The following MDGA2 variants were observed in gnomAD, a reference collection of about 807,000 sequenced individuals.
MDGA2 encodes the protein MAM domain containing glycosylphosphatidylinositol anchor 2, also known as MAM domain-containing glycosylphosphatidylinositol anchor protein 2.
Under a neutral mutation model 117.8 loss-of-function variants are expected in MDGA2, and 40 were observed. That is an observed-to-expected ratio of 0.34 (90% CI 0.26 to 0.44). The LOEUF (loss-of-function observed/expected upper bound fraction) is 0.44. Among genes scored for constraint, MDGA2 ranks in the 20% least tolerant of loss-of-function variants. The pLI is 1.00. For missense variants in MDGA2, 1,123 were observed against 1,250.6 expected (o/e 0.90, Z 1.54); for synonymous variants, 452 against 439.0 (o/e 1.03, Z -0.37).
At chr14:47,055,657 G>C (rs555833994) in intron 7 of MDGA2, among the ~76,000 whole-genome samples, 1 of 152,092 alleles carries the variant, frequency 6.6e-6, no homozygotes, top group African/African-American at 2.4e-5. Flanking sequence ...TTTTATTTCT[G>C]AATTAATAGG....
intron 2 of MDGA2, among the ~76,000 whole-genome samples, chr14:47,226,011 G>A (rs183792674): frequency 2.3e-4 from 35 of 151,934 alleles, no homozygotes; most frequent in African/African-American, 5.8e-4. Flanking sequence ...GAGCCTGGCC[G>A]GGAGCAGTGG....
intron 3 of MDGA2, among the ~76,000 whole-genome samples, chr14:47,214,070 G>A (rs1387778878): frequency 2.6e-5 from 4 of 152,040 alleles, no homozygotes; most frequent in African/African-American, 7.2e-5. Flanking sequence ...TCACTATCAC[G>A]AGAACTGCAT....
At chr14:47,117,329 G>T (rs1881386835) in intron 5 of MDGA2, among the ~76,000 whole-genome samples, 1 of 152,094 alleles carries the variant, frequency 6.6e-6, no homozygotes, top group African/African-American at 2.4e-5. Flanking sequence ...AATGGAAAAC[G>T]ATATAGAGGT....
intron 1 of MDGA2, among the ~76,000 whole-genome samples, chr14:47,602,477 A>G (rs977408572): frequency 6.6e-6 from 1 of 152,012 alleles, no homozygotes; most frequent in Admixed American, 6.6e-5. Context: ...AAAAAAAAAA[A>G]TCACAATTTT....
chr14:47,143,118 G>A (rs943381386), intron 4 of MDGA2, among the ~76,000 whole-genome samples: 6 of 151,964 alleles, frequency 3.9e-5, no homozygotes, highest in Admixed American at 1.3e-4. Context: ...TGAGTAGCTG[G>A]GATTACAGGC....
At chr14:47,196,485 C>T (rs938666180) in intron 3 of MDGA2, among the ~76,000 whole-genome samples, 2 of 151,980 alleles carry the variant, frequency 1.3e-5, no homozygotes, top group Admixed American at 1.3e-4. Flanking sequence ...GATTTAACAC[C>T]GCCCACTAAC....
chr14:46,924,271 G>C (rs1409893249), intron 9 of MDGA2, among the ~76,000 whole-genome samples: 1 of 151,844 alleles, frequency 6.6e-6, no homozygotes, highest in Non-Finnish European at 1.5e-5. Context: ...TTTGAAAAAT[G>C]ATTACATTGA....
rs556068346 is a variant in MDGA2, at chr14:47,348,670, C to T, written c.281-47120G>A. Among the ~76,000 whole-genome samples, 7 of 152,244 alleles carry T rather than the reference C, an allele frequency of 4.6e-5. No homozygotes were observed. In the South Asian group the frequency reaches 1.5e-3, roughly 32 times the overall value. On this transcript the variant is annotated intron_variant, in intron 1 of 16. Coordinates refer to ENST00000399232, the MANE Select transcript of MDGA2 (RefSeq NM_001113498.3). The stretch of plus-strand genomic sequence containing the variant: ...AGAAAGGAACAGAATACCTCCTTAA[C>T]TGTAGCAGAAAGACCCAGAAACAGA...
intron 3 of MDGA2, among the ~76,000 whole-genome samples, chr14:47,179,072 C>G (rs1884594650): frequency 6.6e-6 from 1 of 152,010 alleles, no homozygotes; most frequent in South Asian, 2.1e-4. Flanking sequence ...GTTTGGTAAA[C>G]AATTTTAGTT....
At chr14:46,895,461 C>CA (rs1472625633) in intron 10 of MDGA2, among the ~76,000 whole-genome samples, 1 of 152,180 alleles carries the variant, frequency 6.6e-6, no homozygotes, top group East Asian at 1.9e-4. Context: ...CGCGGTGCCT[C>CA]ATGCCTGTAA....
chr14:47,351,339 C>T (rs1890876690), intron 1 of MDGA2, among the ~76,000 whole-genome samples: 1 of 152,118 alleles, frequency 6.6e-6, no homozygotes, highest in South Asian at 2.1e-4. Context: ...GCCTCAGCCG[C>T]CCAAAGTGCT....
intron 8 of MDGA2, among the ~76,000 whole-genome samples, chr14:47,024,535 CTTGA>C (rs1888405631): frequency 6.6e-6 from 1 of 152,048 alleles, no homozygotes; most frequent in Admixed American, 6.6e-5. Context: ...AGTTTCCTCC[CTTGA>C]TTAATTTAGT....
rs34723414 is a variant in MDGA2, at chr14:46,933,799, A to AATAT, written c.2090-13643_2090-13640dup. Among the ~76,000 whole-genome samples the AATAT allele has an allele frequency of 4.5e-3, 394 of 87,022 alleles. 3 individuals carry two copies. Among genetic ancestry groups the AATAT allele is most frequent in the Non-Finnish European group, 6.1e-3 (259 of 42,552 alleles). The allele number at this position is 87,022 out of a possible 152,430, so 57.1% of individuals were successfully genotyped here. On this transcript the variant is annotated intron_variant, in intron 9 of 16. Transcript: ENST00000399232. ...CAAAGTTCTACTGGTTTATGTAACA[A>AATAT]ATATATATATATATATATATATATA... is the stretch of plus-strand genomic sequence containing the variant.
In MDGA2 at chr14:47,614,206, C is replaced by T. The variant is rs535362082; in HGVS notation, c.280+60311G>A. ...CTGGGTTCAGATGGTTCTCTTGCCTCAGCCTCCCGAGTAGCTTGGGTTACA... is the reference window on the plus strand; with the variant it reads ...CTGGGTTCAGATGGTTCTCTTGCCTTAGCCTCCCGAGTAGCTTGGGTTACA... On this transcript the variant is annotated intron_variant, in intron 1 of 16. Transcript: ENST00000399232. Among the ~76,000 whole-genome samples the T allele has an allele frequency of 4.0e-5, 6 of 150,250 alleles. No individual in the cohort carries two copies. In the South Asian group the frequency reaches 1.3e-3, roughly 32 times the overall value.
intron 1 of MDGA2, among the ~76,000 whole-genome samples, chr14:47,608,421 A>T (rs1223921207): frequency 6.6e-6 from 1 of 152,150 alleles, no homozygotes; most frequent in Non-Finnish European, 1.5e-5. Context: ...AGAGCATATG[A>T]TGTTCACGAG....
intron 1 of MDGA2, among the ~76,000 whole-genome samples, chr14:47,621,837 C>A (rs1203987173): frequency 2.0e-5 from 3 of 152,136 alleles, no homozygotes; most frequent in Non-Finnish European, 2.9e-5. Context: ...AGCCAACATA[C>A]GTTGTAAGCG....
intron 1 of MDGA2, among the ~76,000 whole-genome samples, chr14:47,481,311 A>G (rs898644660): frequency 3.2e-4 from 49 of 152,174 alleles, no homozygotes; most frequent in African/African-American, 9.9e-4. Flanking sequence ...TGAGTAGACT[A>G]TCAGAGTTTT....
intron 8 of MDGA2, among the ~76,000 whole-genome samples, chr14:46,980,460 A>G (rs1399205329): frequency 6.6e-6 from 1 of 152,196 alleles, no homozygotes; most frequent in East Asian, 1.9e-4. Context: ...TGAAATTACC[A>G]CGAAGGATTT....
At chr14:47,141,754 T>TA (rs1176384382) in intron 4 of MDGA2, among the ~76,000 whole-genome samples, 3 of 152,142 alleles carry the variant, frequency 2.0e-5, no homozygotes. Context: ...AGAGATTGGT[T>TA]AATAGGTGCA....
Sources: gnomAD v4.1 joint callset for allele counts (sites outside exome capture counted in the v4.1 genomes callset) on GRCh38, gnomAD v4.1.1 for gene constraint, MANE v1.5 for transcripts, NCBI Gene and HGNC (gene_info 2026-07-23, HGNC 2026-07-21) for gene names.